Variants in CTNNA3 observed in about 807,000 individuals in gnomAD.
CTNNA3 encodes the protein catenin alpha 3.
Under a neutral mutation model 95.7 loss-of-function variants are expected in CTNNA3, and 76 were observed. The ratio of observed to expected loss-of-function variants is 0.79; its 90% CI spans 0.66 to 0.96. The LOEUF is 0.96. Ranked by LOEUF, CTNNA3 falls within the 40% of genes least tolerant of loss-of-function variation. CTNNA3 has a pLI of 0.00. For missense variants in CTNNA3, 1,191 were observed against 1,089.8 expected (o/e 1.09, Z -1.31); for synonymous variants, 431 against 374.4 (o/e 1.15, Z -1.74).
chr10:66,043,787 C>T (rs1407067749), intron 15 of CTNNA3, among the ~76,000 whole-genome samples: 1 of 152,098 alleles, frequency 6.6e-6, no homozygotes, highest in East Asian at 1.9e-4. Flanking sequence ...CAGAGGTCAG[C>T]CAATACTCAC....
chr10:66,640,202 A>C, intron 9 of CTNNA3, among the ~76,000 whole-genome samples: 1 of 152,036 alleles, frequency 6.6e-6, no homozygotes, highest in Non-Finnish European at 1.5e-5. Context: ...CATATCACAG[A>C]GCTCTGGCCA....
At chr10:66,511,336 T>A (rs1005665385) in intron 11 of CTNNA3, among the ~76,000 whole-genome samples, 14 of 151,810 alleles carry the variant, frequency 9.2e-5, no homozygotes, top group Non-Finnish European at 1.5e-4. Context: ...TTTTCATGAA[T>A]CTTTTGTTTG....
At chr10:66,541,025 A>C (rs1841832097) in intron 10 of CTNNA3, among the ~76,000 whole-genome samples, 2 of 152,124 alleles carry the variant, frequency 1.3e-5, no homozygotes, top group African/African-American at 4.8e-5. Context: ...GGAATCTGAT[A>C]ACCTGCTTTG....
chr10:66,016,170 A>T (rs2079092490), intron 15 of CTNNA3, among the ~76,000 whole-genome samples: 1 of 152,200 alleles, frequency 6.6e-6, no homozygotes, highest in African/African-American at 2.4e-5. Context: ...ACACAAAGAG[A>T]TAATAACCAG....
intron 7 of CTNNA3, among the ~76,000 whole-genome samples, chr10:66,960,441 C>A (rs941918757): frequency 6.6e-6 from 1 of 152,004 alleles, no homozygotes; most frequent in African/African-American, 2.4e-5. Flanking sequence ...CATTTGAAAC[C>A]CTACAGCAAA....
intron 5 of CTNNA3, among the ~76,000 whole-genome samples, chr10:67,235,106 T>C (rs1865391886): frequency 6.6e-6 from 1 of 151,902 alleles, no homozygotes; most frequent in East Asian, 1.9e-4. Context: ...ATTTACAGAT[T>C]CAATGCCATC....
chr10:66,205,337 G>A (rs1217713687), intron 13 of CTNNA3, among the ~76,000 whole-genome samples: 1 of 151,770 alleles, frequency 6.6e-6, no homozygotes, highest in African/African-American at 2.4e-5. Flanking sequence ...ATTATTTGAG[G>A]GCCACTAAAG....
In CTNNA3 at chr10:67,099,996, A is replaced by G. The variant is rs986988249; in HGVS notation, c.1047+80321T>C. Among the ~76,000 whole-genome samples, 7 of 151,786 alleles carry G rather than the reference A, an allele frequency of 4.6e-5. No homozygotes were observed. The South Asian group carries it at 1.4e-3, about 31-fold the overall frequency. On this transcript the variant is annotated intron_variant, in intron 7 of 17. Transcript: ENST00000433211. ...CAAAATGTCATTTGCAAGTTTTCTC[A>G]TTAGAAGTTATCCTTGCAAAGATAG...
intron 5 of CTNNA3, among the ~76,000 whole-genome samples, chr10:67,227,907 T>C (rs919065146): frequency 1.3e-5 from 2 of 152,116 alleles, no homozygotes; most frequent in African/African-American, 4.8e-5. Context: ...TTCAAAACCA[T>C]GCAAACACAT....
intron 13 of CTNNA3, among the ~76,000 whole-genome samples, chr10:66,206,203 C>T (rs889368632): frequency 2.0e-5 from 3 of 151,752 alleles, no homozygotes; most frequent in African/African-American, 4.8e-5. Flanking sequence ...GTAATTGTAG[C>T]GATAACCTAT....
intron 13 of CTNNA3, among the ~76,000 whole-genome samples, chr10:66,111,292 A>G (rs906256219): frequency 6.6e-6 from 1 of 152,078 alleles, no homozygotes; most frequent in African/African-American, 2.4e-5. Flanking sequence ...CATGATTGTA[A>G]GTTTCCTGAG....
At chr10:65,973,567 A>G (rs1332657478) in intron 16 of CTNNA3, among the ~76,000 whole-genome samples, 1 of 152,162 alleles carries the variant, frequency 6.6e-6, no homozygotes, top group African/African-American at 2.4e-5. Flanking sequence ...TGCTACAAAA[A>G]AATACTTCAG....
intron 11 of CTNNA3, among the ~76,000 whole-genome samples, chr10:66,422,879 C>CCA (rs200327510): frequency 1.3e-5 from 2 of 151,684 alleles, no homozygotes; most frequent in African/African-American, 2.4e-5. Flanking sequence ...ATCCACCTCC[C>CCA]TCGGCCTACC....
chr10:66,669,898 C>A (rs558464153), intron 9 of CTNNA3, among the ~76,000 whole-genome samples: 30 of 152,004 alleles, frequency 2.0e-4, no homozygotes, highest in African/African-American at 6.8e-4. Flanking sequence ...ATGCTGTCAG[C>A]AACACAGTGA....
chr10:67,343,867 T>C (rs1023142086), intron 5 of CTNNA3, among the ~76,000 whole-genome samples: 7 of 150,510 alleles, frequency 4.7e-5, no homozygotes. Flanking sequence ...TTCTCCATTC[T>C]ATATGACAGA....
At chr10:66,005,056 A>C (rs2133374818) in intron 15 of CTNNA3, among the ~76,000 whole-genome samples, 1 of 152,312 alleles carries the variant, frequency 6.6e-6, no homozygotes, top group Admixed American at 6.5e-5. Context: ...AGCTTCTAGA[A>C]GCTGCCTGTA....
At chr10:67,554,778 T>A (rs1025555165) in intron 3 of CTNNA3, among the ~76,000 whole-genome samples, 1 of 152,242 alleles carries the variant, frequency 6.6e-6, no homozygotes, top group African/African-American at 2.4e-5. Context: ...ATTTGTCAAT[T>A]TTGGCTTTTG....
upstream of CTNNA3, among the ~76,000 whole-genome samples, chr10:67,699,556 G>C (rs1841016799): frequency 1.3e-5 from 2 of 152,150 alleles, no homozygotes; most frequent in Admixed American, 6.5e-5. Context: ...AAGCCACCCA[G>C]GTACACGCTA....
chr10:66,510,514 T>G (rs1355447332), intron 11 of CTNNA3, among the ~76,000 whole-genome samples: 11 of 151,854 alleles, frequency 7.2e-5, no homozygotes, highest in African/African-American at 2.4e-4. Context: ...TCATTCAGTA[T>G]AATGTTAGCC....
Sources: gnomAD v4.1 joint callset for allele counts (sites outside exome capture counted in the v4.1 genomes callset) on GRCh38, gnomAD v4.1.1 for gene constraint, MANE v1.5 for transcripts, NCBI Gene and HGNC (gene_info 2026-07-23, HGNC 2026-07-21) for gene names.